Variants in RFWD3 observed in about 807,000 individuals in gnomAD.
RFWD3 encodes the protein ring finger and WD repeat domain 3.
In RFWD3, 65 loss-of-function variants were observed where a neutral mutation model predicts 87.7. That is an observed-to-expected ratio of 0.74 (90% CI 0.61 to 0.91). RFWD3 has a LOEUF of 0.91. Ranked by LOEUF, RFWD3 falls within the 40% of genes least tolerant of loss-of-function variation. The probability of loss-of-function intolerance (pLI) is 0.00; values close to 1 mark genes in which losing one functional copy is unlikely to be tolerated. For missense variants in RFWD3, 1,078 were observed against 938.5 expected, an observed-to-expected ratio of 1.15 and a Z score of -1.94; for synonymous variants, 433 against 352.8, an observed-to-expected ratio of 1.23 and a Z score of -2.55.
At chr16:74,626,060 G>A (rs952969786) in intron 12 of RFWD3, among the ~76,000 whole-genome samples, 9 of 152,164 alleles carry the variant, frequency 5.9e-5, no homozygotes, top group African/African-American at 1.9e-4. Context: ...GTGGTGGGGT[G>A]CCTGTAATCC....
intron 4 of RFWD3, 45 bp from the exon 5 acceptor site, chr16:74,644,780 T>C (rs2144202046): frequency 6.4e-7 from 1 of 1,554,958 alleles, no homozygotes; most frequent in Non-Finnish European, 8.7e-7. Flanking sequence ...AAATGTAAAA[T>C]CAATCTTGAA....
At chr16:74,632,317 G>C in intron 9 of RFWD3, among the ~76,000 whole-genome samples, 1 of 151,770 alleles carries the variant, frequency 6.6e-6, no homozygotes, top group East Asian at 1.9e-4. Flanking sequence ...GCCTGAACCC[G>C]GAAGGTGGAG....
intron 4 of RFWD3, among the ~76,000 whole-genome samples, chr16:74,645,572 C>T (rs997294886): frequency 6.6e-6 from 1 of 152,042 alleles, no homozygotes; most frequent in Non-Finnish European, 1.5e-5. Flanking sequence ...GGGCTGGTCC[C>T]GAACTCCTGA....
intron 6 of RFWD3, among the ~76,000 whole-genome samples, chr16:74,643,233 G>A (rs1959808369): frequency 6.6e-6 from 1 of 151,976 alleles, no homozygotes; most frequent in African/African-American, 2.4e-5. Context: ...CTTTTGCCTT[G>A]GCCTCCCAAA....
chr16:74,636,872 G>A (rs984389255), intron 7 of RFWD3, among the ~76,000 whole-genome samples: 5 of 151,568 alleles, frequency 3.3e-5, no homozygotes, highest in Admixed American at 6.6e-5. Context: ...TACCATGCCC[G>A]GCTAATTTTT....
intron 11 of RFWD3, among the ~76,000 whole-genome samples, chr16:74,627,950 G>A (rs935709139): frequency 1.3e-5 from 2 of 152,212 alleles, no homozygotes; most frequent in Admixed American, 6.5e-5. Context: ...AAGAACCTGT[G>A]AATGAAGCAC....
intron 6 of RFWD3, among the ~76,000 whole-genome samples, chr16:74,639,230 G>T (rs959815790): frequency 1.3e-5 from 2 of 152,044 alleles, no homozygotes; most frequent in Non-Finnish European, 1.5e-5. Flanking sequence ...TAGAGACAGG[G>T]TTTCACCATG....
At chr16:74,659,381 C>T (rs766181349) in intron 2 of RFWD3, among the ~76,000 whole-genome samples, 14 of 152,174 alleles carry the variant, frequency 9.2e-5, no homozygotes, top group Non-Finnish European at 2.1e-4. Flanking sequence ...TCACCTATAA[C>T]ACAAATGTAT....
chr16:74,624,082 C>A lies in RFWD3; in HGVS notation c.2182-11G>T, dbSNP rs1350366606. 1.2e-6 allele frequency: 2 copies of A among 1,613,200 alleles called. No individual in the cohort carries two copies. The highest frequency in any genetic ancestry group is 1.7e-5 in the Admixed American group (1 of 59,810). ...GGCAGCATCCCACAGCTAAAGAACA[C>A]AAGCAGAGGGAAGGGTCAGGAGTCA... On this transcript the variant is annotated splice_polypyrimidine_tract_variant and intron_variant, in intron 12 of 12. Transcript: ENST00000361070.
chr16:74,632,010 T>C (rs1317329569), intron 9 of RFWD3, among the ~76,000 whole-genome samples: 2 of 152,152 alleles, frequency 1.3e-5, no homozygotes, highest in African/African-American at 4.8e-5. Context: ...ACAGGAAACA[T>C]ACAGTTTTGT....
rs904831385 is a variant in RFWD3 at position 74,652,077 on chromosome 16, C to T, written c.564G>A (p.Gln188=). Residue 188 remains glutamine (Q), a synonymous_variant, in exon 3 of 13, where the codon CAG becomes CAA. Coordinates refer to ENST00000361070, the MANE Select transcript of RFWD3 (RefSeq NM_018124.4). ...LDAYFQVSRT[Q]PDLPATTYDS... ...CATAAGTGGTAGCTGGCAAGTCAGG[C>T]TGGGTCCTGCTCACCTGAAAGTAAG... The T allele has an allele frequency of 1.2e-6, 2 of 1,614,122 alleles. No individual in the cohort carries two copies. Among genetic ancestry groups the T allele is most frequent in the Admixed American group, 1.7e-5 (1 of 59,984 alleles).
chr16:74,655,551 C>G (rs893106296), intron 2 of RFWD3, among the ~76,000 whole-genome samples: 3 of 149,552 alleles, frequency 2.0e-5, no homozygotes, highest in African/African-American at 7.4e-5. Flanking sequence ...CCAGCTGAAG[C>G]CGATGCTCTT....
At chr16:74,662,300 C>G (rs1699498502) in intron 1 of RFWD3, among the ~76,000 whole-genome samples, 1 of 152,052 alleles carries the variant, frequency 6.6e-6, no homozygotes, top group Non-Finnish European at 1.5e-5. Flanking sequence ...TAACTTATCC[C>G]CTTAATTACT....
chr16:74,649,220 GA>G lies in RFWD3; in HGVS notation c.722-19del. 1 of 1,536,558 alleles carries G rather than the reference GA, an allele frequency of 6.5e-7. No homozygotes were observed. On this transcript the variant is annotated intron_variant, in intron 3 of 12. Transcript: ENST00000361070. ...TAGTTGCTCTGCCAAGTCATTTCCAGAAATGACAGGAGAGGTAAAATACAAA... is the reference window on the plus strand; with the variant it reads ...TAGTTGCTCTGCCAAGTCATTTCCAGAATGACAGGAGAGGTAAAATACAAA...
chr16:74,643,589 T>A (rs1347057202), intron 6 of RFWD3, among the ~76,000 whole-genome samples: 1 of 152,028 alleles, frequency 6.6e-6, no homozygotes, highest in Non-Finnish European at 1.5e-5. Context: ...TGTGAACCCA[T>A]GTCACTGTAC....
chr16:74,637,946 T>C lies in RFWD3; in HGVS notation c.1104A>G (p.Leu368=). The change falls in exon 7 of 13, where the codon CTA becomes CTG. Residue 368 remains leucine (L), a synonymous_variant. Coordinates refer to ENST00000361070, the MANE Select transcript of RFWD3 (RefSeq NM_018124.4). ...CTGATTCTAACTCGGCCTGTTTCCT[T>C]AGCATCTGTTCCTTCAGTAGGGAAC... ...MKSSLLKEQM[L]RKQAELESAQ... 2 of 1,611,610 alleles carry C rather than the reference T, an allele frequency of 1.2e-6. No individual in the cohort carries two copies. Among genetic ancestry groups the C allele is most frequent in the South Asian group, 1.1e-5 (1 of 90,712 alleles).
At position 74,661,019 on chromosome 16, in the gene RFWD3, T is replaced by C. The variant is rs1392813327; in HGVS notation, c.431A>G (p.His144Arg). The stretch of plus-strand genomic sequence containing the variant: ...TCTTGTTCTCATTGGCCCTACACTG[T>C]GGTTTGAAGATGAAGGTCTCAGGAA... ...LEFLRPSSSN[H>R]SVGPMRTRRR... is the part of the protein sequence containing the mutation. The change falls in exon 2 of 13, where the codon CAC (histidine) becomes CGC (arginine). Residue 144 changes from histidine to arginine, a missense_variant. Physicochemically the swap from His to Arg is conservative, Grantham distance 29 (BLOSUM62 0). Coordinates refer to ENST00000361070, the MANE Select transcript of RFWD3 (RefSeq NM_018124.4). 7 of 1,614,052 alleles carry C rather than the reference T, an allele frequency of 4.3e-6. No individual in the cohort carries two copies. In the Admixed American group the frequency reaches 1.0e-4, roughly 23 times the overall value.
At chr16:74,639,899 C>T (rs1055701872) in intron 6 of RFWD3, among the ~76,000 whole-genome samples, 1 of 152,016 alleles carries the variant, frequency 6.6e-6, no homozygotes, top group African/African-American at 2.4e-5. Flanking sequence ...CTACAAATAT[C>T]GAGATATGTT....
In RFWD3 at chr16:74,636,363, T is replaced by G; in HGVS notation, c.1409A>C (p.Gln470Pro). 6.2e-7 allele frequency: 1 copy of G among 1,614,068 alleles called. No homozygotes were observed. Among genetic ancestry groups the G allele is most frequent in the Non-Finnish European group, 8.5e-7 (1 of 1,179,952 alleles). ...SCLVISQPSP[Q>P]ASFLPGFGVK... Reference sequence around the variant, plus strand: ...CTCTTTACCTGGAAGAAAAGAGGCCTGAGGAGAAGGCTGTGATATCACCAG... The same window carrying G: ...CTCTTTACCTGGAAGAAAAGAGGCCGGAGGAGAAGGCTGTGATATCACCAG... Residue 470 changes from glutamine (Q) to proline (P), a missense_variant, in exon 8 of 13, where the codon CAG (glutamine) becomes CCG (proline). By Grantham distance (76) the Gln-to-Pro change is moderately conservative. Coordinates refer to ENST00000361070, the MANE Select transcript of RFWD3 (RefSeq NM_018124.4).
Sources: allele counts gnomAD v4.1 joint callset (sites outside exome capture counted in the v4.1 genomes callset), GRCh38; gene constraint gnomAD v4.1.1; transcripts MANE v1.5; gene names NCBI Gene and HGNC (gene_info 2026-07-23, HGNC 2026-07-21).